The following ST6GALNAC3 variants were observed in gnomAD, a reference collection of about 807,000 sequenced individuals.
The protein encoded by ST6GALNAC3 is ST6 N-acetylgalactosaminide alpha-2,6-sialyltransferase 3.
A neutral mutation model predicts 32.7 loss-of-function variants in ST6GALNAC3; 25 were observed. The observed-to-expected ratio is 0.76, with a 90% confidence interval of 0.56 to 1.07. The LOEUF (loss-of-function observed/expected upper bound fraction) is 1.07, where lower values mean the gene tolerates loss of function less well. ST6GALNAC3 is among the 50% of genes least tolerant of loss of function. The pLI is 0.00. For missense variants in ST6GALNAC3, 355 were observed against 382.4 expected (o/e 0.93, Z 0.60); for synonymous variants, 129 against 133.1 (o/e 0.97, Z 0.21).
intron 1 of ST6GALNAC3, among the ~76,000 whole-genome samples, chr1:76,238,359 G>A (rs1249849444): frequency 2.6e-5 from 4 of 152,182 alleles, no homozygotes; most frequent in African/African-American, 4.8e-5. Flanking sequence ...TGAAAAATGC[G>A]CAAGAGGATG....
Position 76,074,802 on chromosome 1 carries a change from C to T in ST6GALNAC3, c.-65C>T. On this transcript the variant is annotated 5_prime_UTR_variant, in exon 1 of 5. Coordinates refer to ENST00000328299, the MANE Select transcript of ST6GALNAC3 (RefSeq NM_152996.4). Reference sequence around the variant, plus strand: ...TGCCGTGGTACCAGCCTCCAGCCTGCCCCCAGGACTGCCCCTGACCCAGGC... The same window carrying T: ...TGCCGTGGTACCAGCCTCCAGCCTGTCCCCAGGACTGCCCCTGACCCAGGC... The T allele has an allele frequency of 2.6e-6, 4 of 1,544,306 alleles. No homozygotes were observed. Among genetic ancestry groups the T allele is most frequent in the Non-Finnish European group, 3.5e-6 (4 of 1,142,784 alleles).
At chr1:76,145,664 T>C (rs745856865) in intron 1 of ST6GALNAC3, among the ~76,000 whole-genome samples, 1 of 152,258 alleles carries the variant, frequency 6.6e-6, no homozygotes, top group Non-Finnish European at 1.5e-5. Flanking sequence ...TCTGCGTTAA[T>C]GCTGTTGTAA....
At chr1:76,214,866 G>A (rs1424232859) in intron 1 of ST6GALNAC3, among the ~76,000 whole-genome samples, 2 of 152,150 alleles carry the variant, frequency 1.3e-5, no homozygotes, top group African/African-American at 4.8e-5. Flanking sequence ...AAGAGAGCAT[G>A]AGACTTGAAA....
intron 3 of ST6GALNAC3, among the ~76,000 whole-genome samples, chr1:76,490,562 G>A (rs559272039): frequency 1.1e-4 from 16 of 151,132 alleles, no homozygotes; most frequent in African/African-American, 3.4e-4. Flanking sequence ...CTTGCGGAAT[G>A]CAATAAAATT....
At chr1:76,577,198 A>T in intron 3 of ST6GALNAC3, 3 of 1,013,044 alleles carry the variant, frequency 3.0e-6, no homozygotes, top group Non-Finnish European at 3.5e-6. Flanking sequence ...ATTAAATCTT[A>T]TCAAAGCAAA....
rs530436854 is a variant in ST6GALNAC3, at chr1:76,305,184, C to G, written c.19-8621C>G. Among the ~76,000 whole-genome samples, 24 of 152,052 alleles carry G rather than the reference C, an allele frequency of 1.6e-4. 2 individuals carry two copies. The highest frequency in any genetic ancestry group is 4.3e-4 in the African/African-American group (18 of 41,502). Reference sequence around the variant, plus strand: ...AAAATGATGGAAAGTCCTGATGGGTCAGGTCCATATCTAATCTTAAGAAGG... The same window carrying G: ...AAAATGATGGAAAGTCCTGATGGGTGAGGTCCATATCTAATCTTAAGAAGG... On this transcript the variant is annotated intron_variant, in intron 1 of 4. Coordinates refer to ENST00000328299, the MANE Select transcript of ST6GALNAC3 (RefSeq NM_152996.4).
intron 2 of ST6GALNAC3, among the ~76,000 whole-genome samples, chr1:76,315,420 C>T (rs1442339648): frequency 6.6e-6 from 1 of 152,034 alleles, no homozygotes; most frequent in African/African-American, 2.4e-5. Context: ...TATCAAAGAC[C>T]CTTTCATTTC....
At chr1:76,503,140 GAGAGGA>G (rs1557498421) in intron 3 of ST6GALNAC3, among the ~76,000 whole-genome samples, 3 of 152,204 alleles carry the variant, frequency 2.0e-5, no homozygotes, top group Non-Finnish European at 4.4e-5. Flanking sequence ...GAAGGGGGCA[GAGAGGA>G]TAACTGGCTG....
chr1:76,418,652 T>A (rs1483882672), intron 3 of ST6GALNAC3, among the ~76,000 whole-genome samples: 1 of 152,108 alleles, frequency 6.6e-6, no homozygotes, highest in Non-Finnish European at 1.5e-5. Context: ...TATAAGTATC[T>A]CAGCACTTTT....
intron 3 of ST6GALNAC3, among the ~76,000 whole-genome samples, chr1:76,575,395 A>G (rs963734838): frequency 2.0e-5 from 3 of 152,096 alleles, no homozygotes; most frequent in Non-Finnish European, 4.4e-5. Context: ...TGATTTATTC[A>G]CCAAACATGC....
At position 76,526,358 on chromosome 1, in the gene ST6GALNAC3, C is replaced by T. The variant is rs868823568; in HGVS notation, c.624-101094C>T. Among the ~76,000 whole-genome samples the T allele has an allele frequency of 3.9e-5, 6 of 152,182 alleles. No individual in the cohort carries two copies. The Middle Eastern group carries it at 0.01, about 259-fold the overall frequency. On this transcript the variant is annotated intron_variant, in intron 3 of 4. Transcript: ENST00000328299. ...ACCAAATCCCTTGTGGTTACAACTT[C>T]AAGTTGTTTCATGCCCAGAGAATGA...
At position 76,295,610 on chromosome 1, in the gene ST6GALNAC3, A is replaced by C. The variant is rs548417779; in HGVS notation, c.19-18195A>C. Among the ~76,000 whole-genome samples, 3 of 152,228 alleles carry C rather than the reference A, an allele frequency of 2.0e-5. No homozygotes were observed. In the East Asian group the frequency reaches 5.8e-4, roughly 29 times the overall value. The stretch of plus-strand genomic sequence containing the variant: ...TTCTTTTGGTTTTGTTCCCACCTTG[A>C]ATTGAATTGACATAGACAGATCAAT... On this transcript the variant is annotated intron_variant, in intron 1 of 4. Transcript: ENST00000328299.
chr1:76,186,425 G>T (rs1376606924), intron 1 of ST6GALNAC3, among the ~76,000 whole-genome samples: 1 of 152,030 alleles, frequency 6.6e-6, no homozygotes, highest in Non-Finnish European at 1.5e-5. Flanking sequence ...AATATTCTAG[G>T]GCTTTTCCTC....
chr1:76,598,367 A>T (rs1647171279), intron 3 of ST6GALNAC3, among the ~76,000 whole-genome samples: 1 of 152,164 alleles, frequency 6.6e-6, no homozygotes, highest in Non-Finnish European at 1.5e-5. Flanking sequence ...CAGGGATCCC[A>T]TGCACTTATG....
chr1:76,131,260 G>A (rs1388477421), intron 1 of ST6GALNAC3, among the ~76,000 whole-genome samples: 1 of 152,180 alleles, frequency 6.6e-6, no homozygotes, highest in East Asian at 1.9e-4. Context: ...TCCTCGCATT[G>A]GTGATCGAGC....
chr1:76,251,824 GT>G (rs1014266343), intron 1 of ST6GALNAC3, among the ~76,000 whole-genome samples: 3 of 151,710 alleles, frequency 2.0e-5, no homozygotes, highest in Non-Finnish European at 4.4e-5. Context: ...TCTATAAACC[GT>G]TCTGCTCCTA....
chr1:76,341,682 C>CTTTCTTTCA, intron 2 of ST6GALNAC3, among the ~76,000 whole-genome samples: 2 of 36,054 alleles, frequency 5.5e-5, no homozygotes, highest in Admixed American at 2.9e-4. Context: ...TCTTTCTTTC[C>CTTTCTTTCA]TTCTTTCTTT....
intron 3 of ST6GALNAC3, among the ~76,000 whole-genome samples, chr1:76,591,068 A>C (rs527922714): frequency 5.9e-5 from 9 of 152,324 alleles, no homozygotes; most frequent in Admixed American, 2.0e-4. Context: ...TGCTCTAAGA[A>C]TACATGACAG....
chr1:76,356,938 G>C (rs1410156755), intron 2 of ST6GALNAC3, among the ~76,000 whole-genome samples: 2 of 151,994 alleles, frequency 1.3e-5, no homozygotes, highest in Non-Finnish European at 2.9e-5. Context: ...GATTCAAAGA[G>C]GCATGTCCAC....
Sources: allele counts gnomAD v4.1 joint callset (sites outside exome capture counted in the v4.1 genomes callset), GRCh38; gene constraint gnomAD v4.1.1; transcripts MANE v1.5; gene names NCBI Gene and HGNC (gene_info 2026-07-23, HGNC 2026-07-21).